The following ZBTB16 variants were observed in gnomAD, a reference collection of about 807,000 sequenced individuals.
The protein encoded by ZBTB16 is zinc finger and BTB domain-containing protein 16.
Under a neutral mutation model 56.8 loss-of-function variants are expected in ZBTB16, and 8 were observed. The ratio of observed to expected loss-of-function variants is 0.14; its 90% CI spans 0.08 to 0.25. The LOEUF (loss-of-function observed/expected upper bound fraction) is 0.25. Among genes scored for constraint, ZBTB16 ranks in the 10% least tolerant of loss-of-function variants. ZBTB16 has a pLI of 1.00. For synonymous variants in ZBTB16, 363 were observed against 368.5 expected (o/e 0.98, Z 0.17); for missense variants, 625 against 903.0 (o/e 0.69, Z 3.95).
At chr11:114,075,123 T>C (rs887855702) in intron 2 of ZBTB16, among the ~76,000 whole-genome samples, 7 of 152,184 alleles carry the variant, frequency 4.6e-5, no homozygotes, top group African/African-American at 1.7e-4. Flanking sequence ...TTTTTCTTTT[T>C]CTTGCATTCT....
chr11:114,199,781 C>T (rs1269237488), intron 4 of ZBTB16, among the ~76,000 whole-genome samples: 1 of 152,186 alleles, frequency 6.6e-6, no homozygotes, highest in Non-Finnish European at 1.5e-5. Flanking sequence ...TAGTTTTTCA[C>T]ATTTGTAAAC....
intron 2 of ZBTB16, among the ~76,000 whole-genome samples, chr11:114,078,747 G>A (rs1347848696): frequency 1.3e-5 from 2 of 152,044 alleles, no homozygotes; most frequent in African/African-American, 4.8e-5. Context: ...GAGGGGGCGG[G>A]CGTGGTATTT....
At chr11:114,119,373 T>C (rs1167267745) in intron 2 of ZBTB16, among the ~76,000 whole-genome samples, 1 of 151,000 alleles carries the variant, frequency 6.6e-6, no homozygotes, top group Non-Finnish European at 1.5e-5. Flanking sequence ...TGTTTGTGTC[T>C]GTGTGTGTGT....
chr11:114,219,740 G>A (rs1481101076), intron 4 of ZBTB16, among the ~76,000 whole-genome samples: 1 of 152,202 alleles, frequency 6.6e-6, no homozygotes, highest in African/African-American at 2.4e-5. Context: ...TGTATAAGCT[G>A]TTTGCAGACA....
At chr11:114,178,605 A>C (rs944626019) in intron 3 of ZBTB16, among the ~76,000 whole-genome samples, 5 of 152,194 alleles carry the variant, frequency 3.3e-5, no homozygotes, top group Non-Finnish European at 7.3e-5. Context: ...GGGTAACAAA[A>C]GAGCTTTCCA....
chr11:114,202,947 A>G (rs1041454603), intron 4 of ZBTB16, among the ~76,000 whole-genome samples: 2 of 152,224 alleles, frequency 1.3e-5, no homozygotes, highest in Admixed American at 1.3e-4. Flanking sequence ...TTTATTTTCA[A>G]AAAGTAACTT....
chr11:114,107,833 A>AT (rs1322189203), intron 2 of ZBTB16, among the ~76,000 whole-genome samples: 6 of 152,036 alleles, frequency 3.9e-5, no homozygotes, highest in Middle Eastern at 6.8e-3. Context: ...TGCAGTCTAC[A>AT]TTTTTTGTTT....
intron 4 of ZBTB16, among the ~76,000 whole-genome samples, chr11:114,191,102 T>A (rs1198061777): frequency 6.6e-6 from 1 of 152,136 alleles, no homozygotes; most frequent in Non-Finnish European, 1.5e-5. Flanking sequence ...GTCATGAGAA[T>A]AGCACCAAGA....
intron 4 of ZBTB16, among the ~76,000 whole-genome samples, chr11:114,195,767 G>A (rs1027277044): frequency 3.9e-5 from 6 of 152,122 alleles, no homozygotes; most frequent in African/African-American, 1.2e-4. Flanking sequence ...TTCTCTCATC[G>A]CATCATCCTG....
At chr11:114,169,292 A>T (rs1322220325) in intron 3 of ZBTB16, among the ~76,000 whole-genome samples, 1 of 152,184 alleles carries the variant, frequency 6.6e-6, no homozygotes, top group Non-Finnish European at 1.5e-5. Flanking sequence ...AGTATGATGC[A>T]TCAGGAAGGT....
At chr11:114,135,963 G>T (rs1335931802) in intron 2 of ZBTB16, among the ~76,000 whole-genome samples, 1 of 152,148 alleles carries the variant, frequency 6.6e-6, no homozygotes, top group Non-Finnish European at 1.5e-5. Flanking sequence ...CATCTTCTCT[G>T]TACCCCTCAC....
chr11:114,103,940 C>T lies in ZBTB16; in HGVS notation c.1268+39372C>T, dbSNP rs574084655. Among the ~76,000 whole-genome samples, 9 of 152,238 alleles carry T rather than the reference C, an allele frequency of 5.9e-5. No homozygotes were observed. The South Asian group carries it at 6.2e-4, about 11-fold the overall frequency. ...AAATCTAACAAACTATTCTTTTTCA[C>T]GTGTGGGCTGAATGAATGTGTGGGT... is the stretch of plus-strand genomic sequence containing the variant. On this transcript the variant is annotated intron_variant, in intron 2 of 6. Coordinates refer to ENST00000335953, the MANE Select transcript of ZBTB16 (RefSeq NM_006006.6).
intron 3 of ZBTB16, among the ~76,000 whole-genome samples, chr11:114,157,054 T>C (rs1045562989): frequency 6.6e-6 from 1 of 152,204 alleles, no homozygotes; most frequent in African/African-American, 2.4e-5. Context: ...CACCTGACTT[T>C]AGTTGTGGAG....
chr11:114,090,777 C>CA (rs1378735658), intron 2 of ZBTB16, among the ~76,000 whole-genome samples: 1 of 152,234 alleles, frequency 6.6e-6, no homozygotes, highest in Admixed American at 6.5e-5. Context: ...CATGGGTTCC[C>CA]TGCTGCCCTA....
intron 2 of ZBTB16, among the ~76,000 whole-genome samples, chr11:114,141,041 A>G (rs2134894573): frequency 6.6e-6 from 1 of 152,216 alleles, no homozygotes; most frequent in Non-Finnish European, 1.5e-5. Flanking sequence ...AGGACTCCGC[A>G]TCATCAGCCC....
rs544526852 is a variant in ZBTB16 at position 114,177,712 on chromosome 11, G to A, written c.1367-9240G>A. On this transcript the variant is annotated intron_variant, in intron 3 of 6. Coordinates refer to ENST00000335953, the MANE Select transcript of ZBTB16 (RefSeq NM_006006.6). ...TGCTGACTACCACAATACCATGATT[G>A]CTCAGTCATAGAAGTTGCCAGGAGA... Among the ~76,000 whole-genome samples the A allele has an allele frequency of 2.0e-5, 3 of 152,288 alleles. No homozygotes were observed. In the South Asian group the frequency reaches 6.2e-4, roughly 32 times the overall value.
At chr11:114,175,533 C>T (rs755655225) in intron 3 of ZBTB16, among the ~76,000 whole-genome samples, 4 of 151,582 alleles carry the variant, frequency 2.6e-5, no homozygotes, top group African/African-American at 7.3e-5. Context: ...TTCAGCTCAA[C>T]GCAACCTCCT....
chr11:114,196,747 T>C (rs1943620443), intron 4 of ZBTB16, among the ~76,000 whole-genome samples: 1 of 152,224 alleles, frequency 6.6e-6, no homozygotes, highest in Admixed American at 6.5e-5. Context: ...GAAATGAGCA[T>C]GTAGGTTGAA....
intron 3 of ZBTB16, among the ~76,000 whole-genome samples, chr11:114,186,635 C>A (rs1943366787): frequency 1.3e-5 from 2 of 152,132 alleles, no homozygotes; most frequent in Admixed American, 6.5e-5. Flanking sequence ...CCTGTCCCCC[C>A]CATCACCTGG....
Sources: gnomAD v4.1 joint callset for allele counts (sites outside exome capture counted in the v4.1 genomes callset) on GRCh38, gnomAD v4.1.1 for gene constraint, MANE v1.5 for transcripts, NCBI Gene and HGNC (gene_info 2026-07-23, HGNC 2026-07-21) for gene names.